CFAP47: variants seen among roughly 807,000 people sequenced by gnomAD.
The protein encoded by CFAP47 is cilia- and flagella-associated protein 47.
Under a neutral mutation model 148.1 loss-of-function variants are expected in CFAP47, and 29 were observed. That is an observed-to-expected ratio of 0.20 (90% confidence interval 0.15 to 0.27). The LOEUF (loss-of-function observed/expected upper bound fraction) is 0.27, where lower values mean the gene tolerates loss of function less well. Ranked by LOEUF, CFAP47 falls within the 10% of genes least tolerant of loss-of-function variation. CFAP47 has a pLI of 1.00. For missense variants in CFAP47, 1,872 were observed against 1,697.5 expected (o/e 1.10, Z -1.81); for synonymous variants, 664 against 577.3 (o/e 1.15, Z -2.15).
intron 30 of CFAP47, among the ~76,000 whole-genome samples, chrX:36,090,328 G>T (rs766771133): frequency 2.1e-4 from 24 of 111,657 alleles, no homozygotes; most frequent in Non-Finnish European, 3.4e-4. Context: ...TTAACTGTGA[G>T]CAAAAGAAGG....
At chrX:36,027,898 G>A (rs1002482730) in intron 22 of CFAP47, among the ~76,000 whole-genome samples, 6 of 111,067 alleles carry the variant, frequency 5.4e-5, no homozygotes, top group East Asian at 2.8e-4. Context: ...TTTGCACCTC[G>A]CTGATAATTA....
intron 25 of CFAP47, among the ~76,000 whole-genome samples, chrX:36,041,735 A>C (rs1459436948): frequency 2.7e-5 from 3 of 110,320 alleles, no homozygotes; most frequent in Non-Finnish European, 5.7e-5. Flanking sequence ...CATTTTGGCT[A>C]ACATGGTGAA....
chrX:36,207,643 A>T (rs958196838), intron 45 of CFAP47, among the ~76,000 whole-genome samples: 5 of 111,213 alleles, frequency 4.5e-5, no homozygotes, highest in African/African-American at 1.6e-4. Context: ...TTATATTTCT[A>T]ATTTTACATT....
At chrX:36,308,300 A>C (rs1893175806) in intron 55 of CFAP47, among the ~76,000 whole-genome samples, 1 of 111,555 alleles carries the variant, frequency 9.0e-6, no homozygotes, top group Admixed American at 9.5e-5. Flanking sequence ...TCTCCTTCCA[A>C]CTTGTAGCAA....
intron 39 of CFAP47, among the ~76,000 whole-genome samples, chrX:36,178,894 A>G (rs1438364336): frequency 8.9e-6 from 1 of 112,300 alleles, no homozygotes; most frequent in Non-Finnish European, 1.9e-5. Context: ...AGAAGATGGC[A>G]TAATTATTAA....
intron 57 of CFAP47, among the ~76,000 whole-genome samples, chrX:36,330,236 A>AACCAG (rs6151287): frequency 1.2e-5 from 1 of 80,487 alleles, no homozygotes; most frequent in Non-Finnish European, 2.4e-5. Flanking sequence ...TGATTGCTGC[A>AACCAG]TTAATACTGA....
chrX:36,292,730 A>T (rs1482312238), intron 51 of CFAP47, among the ~76,000 whole-genome samples: 14 of 111,795 alleles, frequency 1.3e-4, no homozygotes. Context: ...ACCAAGTGAC[A>T]AAGTGATAAG....
chrX:36,250,739 T>A (rs1555998066), intron 48 of CFAP47, among the ~76,000 whole-genome samples: 1 of 110,105 alleles, frequency 9.1e-6, no homozygotes, highest in African/African-American at 3.3e-5. Context: ...AATAAAAAAG[T>A]CAGTGACAAA....
chrX:36,322,373 A>G (rs782605673), intron 57 of CFAP47, among the ~76,000 whole-genome samples: 1 of 111,133 alleles, frequency 9.0e-6, no homozygotes, highest in Admixed American at 9.7e-5. Flanking sequence ...TTTAATGGCA[A>G]TTACATTTGG....
At chrX:35,980,680 T>C (rs567155148) in intron 15 of CFAP47, among the ~76,000 whole-genome samples, 91 of 111,317 alleles carry the variant, frequency 8.2e-4, no homozygotes, top group African/African-American at 2.9e-3. Context: ...ATATGTCTCT[T>C]ATTTTGGCAG....
intron 26 of CFAP47, among the ~76,000 whole-genome samples, chrX:36,055,942 G>A (rs751447846): frequency 9.1e-6 from 1 of 110,487 alleles, no homozygotes; most frequent in African/African-American, 3.3e-5. Flanking sequence ...CATGTTTGTG[G>A]GCTGCATGAA....
intron 49 of CFAP47, among the ~76,000 whole-genome samples, chrX:36,267,715 T>C (rs1940910550): frequency 9.0e-6 from 1 of 111,643 alleles, no homozygotes; most frequent in African/African-American, 3.3e-5. Context: ...CCTGACCTCA[T>C]GATCCACCCG....
intron 8 of CFAP47, among the ~76,000 whole-genome samples, 175 bp from the exon 9 acceptor site, chrX:35,966,389 GA>G (rs1318856233): frequency 9.5e-6 from 1 of 105,506 alleles, no homozygotes; most frequent in Non-Finnish European, 2.0e-5. Context: ...AATTATTTAA[GA>G]AAAGTAATGA....
intron 45 of CFAP47, among the ~76,000 whole-genome samples, chrX:36,212,687 T>C (rs1940115973): frequency 8.9e-6 from 1 of 111,823 alleles, no homozygotes; most frequent in Non-Finnish European, 1.9e-5. Context: ...AATTTCATGC[T>C]AAATTATTCA....
intron 1 of CFAP47, among the ~76,000 whole-genome samples, chrX:35,922,220 A>C (rs1935589398): frequency 9.0e-6 from 1 of 111,101 alleles, no homozygotes; most frequent in Non-Finnish European, 1.9e-5. Flanking sequence ...TCCAAATCCC[A>C]TGCATCTTTT....
intron 57 of CFAP47, among the ~76,000 whole-genome samples, chrX:36,327,874 A>G (rs1336503289): frequency 4.5e-5 from 5 of 111,655 alleles, no homozygotes; most frequent in Non-Finnish European, 9.4e-5. Flanking sequence ...ATGAAATACC[A>G]TATGCTCTCA....
chrX:36,250,724 T>G (rs1388446587), intron 48 of CFAP47, among the ~76,000 whole-genome samples: 1 of 110,384 alleles, frequency 9.1e-6, no homozygotes, highest in Non-Finnish European at 1.9e-5. Flanking sequence ...TTTAAAAGTA[T>G]GCTAAATAAA....
rs757391505 is a variant in CFAP47, at chrX:35,975,668, A to G, written c.2472-4A>G. ...TAAATTTGGATGCTTTTGCTGCATT[A>G]CAGGTCTTTCACCTTTACAGTGAAC... On this transcript the variant is annotated splice_region_variant and splice_polypyrimidine_tract_variant and intron_variant, in intron 14 of 63. Transcript: ENST00000378653. 7 of 1,207,697 alleles carry G rather than the reference A, an allele frequency of 5.8e-6. No homozygotes were observed. Among genetic ancestry groups the G allele is most frequent in the Non-Finnish European group, 7.8e-6 (7 of 893,664 alleles).
At chrX:36,044,957 T>C (rs1478849460) in intron 25 of CFAP47, among the ~76,000 whole-genome samples, 1 of 112,301 alleles carries the variant, frequency 8.9e-6, no homozygotes, top group African/African-American at 3.2e-5. Context: ...ACTGAATTGA[T>C]CAGTTCTAAT....
Sources: allele counts gnomAD v4.1 joint callset (sites outside exome capture counted in the v4.1 genomes callset), GRCh38; gene constraint gnomAD v4.1.1; transcripts MANE v1.5; gene names NCBI Gene and HGNC (gene_info 2026-07-23, HGNC 2026-07-21).